MED1: variants seen among roughly 807,000 people sequenced by gnomAD.
MED1 encodes mediator complex subunit 1.
MED1 carries 17 observed loss-of-function variants against 121.3 expected under a neutral mutation model. The observed-to-expected ratio is 0.14, with a 90% confidence interval of 0.10 to 0.21. MED1 has a LOEUF of 0.21. Ranked by LOEUF, MED1 falls within the 10% of genes least tolerant of loss-of-function variation. The pLI, the probability that MED1 is intolerant of heterozygous loss-of-function variation, is 1.00. For synonymous variants in MED1, 661 were observed against 694.4 expected (o/e 0.95, Z 0.76); for missense variants, 1,558 against 1,919.4 (o/e 0.81, Z 3.52).
rs369685597 is a variant in MED1, at chr17:39,451,221, G to A, written c.-159C>T. On this transcript the variant is annotated 5_prime_UTR_variant, in exon 1 of 17. Coordinates refer to ENST00000300651, the MANE Select transcript of MED1 (RefSeq NM_004774.4). ...TCTGAAGTCCCCGGCGGCAAGAAGA[G>A]AAGGGTGCTCGAGGCCGCCGCCATC... 5.0e-6 allele frequency: 4 copies of A among 796,052 alleles called. No individual in the cohort carries two copies. The highest frequency in any genetic ancestry group is 2.9e-5 in the East Asian group (1 of 34,866). 49.3% of individuals were successfully genotyped at this position (796,052 alleles called of 1,614,324 possible). A position where few individuals can be genotyped will look rare whatever the true frequency, so the allele number is the denominator to read the frequency against.
intron 14 of MED1, among the ~76,000 whole-genome samples, chr17:39,418,085 CAAAAAAAA>C (rs760116991): frequency 5.4e-5 from 3 of 55,638 alleles, no homozygotes; most frequent in South Asian, 1.0e-3. Flanking sequence ...GACTCCGTCT[CAAAAAAAA>C]AAAAAAAAAA....
At position 39,410,172 on chromosome 17, in the gene MED1, C is replaced by A; in HGVS notation, c.2049G>T (p.Gly683=). The A allele has an allele frequency of 6.2e-7, 1 of 1,614,074 alleles. No homozygotes were observed. The highest frequency in any genetic ancestry group is 8.5e-7 in the Non-Finnish European group (1 of 1,180,024). The change falls in exon 17 of 17, where the codon GGG becomes GGT. Residue 683 remains glycine, a synonymous_variant. Coordinates refer to ENST00000300651, the MANE Select transcript of MED1 (RefSeq NM_004774.4). ...ACTTCTTTTTCTTGGTCTTGTTGCT[C>A]CCCGAGCATATTTCCATGCGGGGTG... ...SGSPRMEICS[G]SNKTKKKKSS...
At chr17:39,413,850 T>C (rs1380940439) in intron 16 of MED1, among the ~76,000 whole-genome samples, 1 of 144,854 alleles carries the variant, frequency 6.9e-6, no homozygotes, top group Non-Finnish European at 1.5e-5. Flanking sequence ...TGCCTTAAAG[T>C]ACCATAATTC....
At chr17:39,414,898 G>T in intron 16 of MED1, 128 bp downstream of exon 16, 2 of 755,526 alleles carry the variant, frequency 2.6e-6, no homozygotes, top group Non-Finnish European at 4.6e-6. Context: ...TCAATCTTCT[G>T]ACCTCGTGAT....
chr17:39,419,633 T>G, intron 14 of MED1, 84 bp downstream of exon 14: 1 of 1,375,916 alleles, frequency 7.3e-7, no homozygotes, highest in Non-Finnish European at 1.0e-6. Flanking sequence ...GTTCTACAGG[T>G]GATTCTGATG....
At chr17:39,448,596 T>TA (rs1028372860) in intron 1 of MED1, among the ~76,000 whole-genome samples, 58 of 149,174 alleles carry the variant, frequency 3.9e-4, no homozygotes, top group Admixed American at 4.7e-4. Context: ...GAGGAAAATT[T>TA]AAAAAAAAGA....
At chr17:39,428,416 G>A (rs1225618652) in intron 9 of MED1, among the ~76,000 whole-genome samples, 1 of 152,040 alleles carries the variant, frequency 6.6e-6, no homozygotes, top group African/African-American at 2.4e-5. Flanking sequence ...CCCAGGAAGC[G>A]GAGGTTACAG....
intron 1 of MED1, among the ~76,000 whole-genome samples, chr17:39,450,358 C>T (rs2048770693): frequency 6.6e-6 from 1 of 152,128 alleles, no homozygotes; most frequent in Admixed American, 6.6e-5. Flanking sequence ...CTATTACGTG[C>T]CAGAAACTAT....
intron 16 of MED1, among the ~76,000 whole-genome samples, chr17:39,412,694 C>T (rs1203122388): frequency 3.3e-5 from 5 of 151,826 alleles, no homozygotes; most frequent in Admixed American, 1.3e-4. Flanking sequence ...CCCGCCACCA[C>T]GCCCAGCTAA....
Position 39,409,659 on chromosome 17 carries a change from A to C in MED1, c.2562T>G (p.Pro854=). The part of the protein sequence containing the change: ...DAAGSPSSDS[P]TNHFFHDGVD... ...CTCCATCATGAAAAAAATGATTGGT[A>C]GGAGAGTCACTACTGGGGCTTCCAG... Residue 854 remains proline, a synonymous_variant, in exon 17 of 17, where the codon CCT becomes CCG. Coordinates refer to ENST00000300651, the MANE Select transcript of MED1 (RefSeq NM_004774.4). The C allele has an allele frequency of 6.2e-7, 1 of 1,614,196 alleles. No individual in the cohort carries two copies.
chr17:39,430,825 C>G (rs760601116), intron 9 of MED1, among the ~76,000 whole-genome samples: 20 of 152,264 alleles, frequency 1.3e-4, no homozygotes, highest in Non-Finnish European at 2.6e-4. Flanking sequence ...CAGGACCAGC[C>G]TGGCCAAAAC....
chr17:39,410,224 A>G lies in MED1; in HGVS notation c.1997T>C (p.Leu666Ser). ...GCCGGAAGAGGAGTTCTGCCTTTCT[A>G]AAGGGCTGCTTCCATAAAGGGTTGA... ...DFSTLYGSSP[L>S]ERQNSSSGSP... The change falls in exon 17 of 17, where the codon TTA becomes TCA. Residue 666 changes from leucine to serine, a missense_variant. Coordinates refer to ENST00000300651, the MANE Select transcript of MED1 (RefSeq NM_004774.4). 1 of 1,613,880 alleles carries G rather than the reference A, an allele frequency of 6.2e-7. No homozygotes were observed. The highest frequency in any genetic ancestry group is 8.5e-7 in the Non-Finnish European group (1 of 1,179,954).
At chr17:39,436,002 G>C (rs1258022431) in intron 6 of MED1, among the ~76,000 whole-genome samples, 3 of 152,038 alleles carry the variant, frequency 2.0e-5, no homozygotes, top group Admixed American at 6.6e-5. Context: ...AACCCGGGAG[G>C]GGGAGGTTGC....
Position 39,440,013 on chromosome 17 carries a change from GGAAGGAAA to G in MED1, c.399+365_399+372del, listed in dbSNP as rs776070052. Among the ~76,000 whole-genome samples, 2,970 of 126,288 alleles carry G rather than the reference GGAAGGAAA, an allele frequency of 0.024. 43 individuals are homozygous for G. Among genetic ancestry groups the G allele is most frequent in the Middle Eastern group, 0.096 (23 of 240 alleles). 82.8% of individuals were successfully genotyped at this position (126,288 alleles called of 152,430 possible). A position where few individuals can be genotyped will look rare whatever the true frequency, so the allele number is the denominator to read the frequency against. ...AGGAAGGAAGGAAGGAAGGAAGGAAGGAAGGAAAGAAAGAAAGAAAGAGAGAAAGAGAA... is the reference window on the plus strand; with the variant it reads ...AGGAAGGAAGGAAGGAAGGAAGGAAGGAAAGAAAGAAAGAGAGAAAGAGAA... On this transcript the variant is annotated intron_variant, in intron 5 of 16. Coordinates refer to ENST00000300651, the MANE Select transcript of MED1 (RefSeq NM_004774.4). This position sits in a 1 kb window ranked among gnomAD's most constrained non-coding sequence, Gnocchi z 4.1.
intron 6 of MED1, among the ~76,000 whole-genome samples, chr17:39,436,302 A>C (rs2048617938): frequency 6.7e-6 from 1 of 149,184 alleles, no homozygotes; most frequent in Non-Finnish European, 1.5e-5. Flanking sequence ...CGGAGCTTGC[A>C]GTGAGCAGAG....
chr17:39,417,272 G>A (rs2048418766), intron 14 of MED1, among the ~76,000 whole-genome samples: 1 of 151,768 alleles, frequency 6.6e-6, no homozygotes, highest in Admixed American at 6.6e-5. Context: ...AAAGGTTGCA[G>A]TGAGTGAAGA....
intron 10 of MED1, 23 bp from the exon 11 acceptor site, chr17:39,424,761 G>C: frequency 7.3e-7 from 1 of 1,378,804 alleles, no homozygotes; most frequent in Non-Finnish European, 1.0e-6. Context: ...AAGAAAAAGG[G>C]TATTCCTCAA....
At chr17:39,422,469 GTTTTTTTTT>G (rs750032186) in intron 13 of MED1, among the ~76,000 whole-genome samples, 18 of 74,360 alleles carry the variant, frequency 2.4e-4, no homozygotes, top group African/African-American at 1.1e-3. Flanking sequence ...GCCCAGCCTC[GTTTTTTTTT>G]TTTTTTTTTT....
chr17:39,409,350 T>A lies in MED1; in HGVS notation c.2871A>T (p.Leu957Phe). ...CTTTCCCTAAGTCCCCAGTGGTCAGTAAAGGACCCTGACTACCACTGTGAT... is the reference window on the plus strand; with the variant it reads ...CTTTCCCTAAGTCCCCAGTGGTCAGAAAAGGACCCTGACTACCACTGTGAT... Reference protein sequence around the residue: ...MEHHSGSQGPLLTTGDLGKEK... With the variant: ...MEHHSGSQGPFLTTGDLGKEK... The change falls in exon 17 of 17, where the codon TTA (leucine) becomes TTT (phenylalanine). Residue 957 changes from leucine to phenylalanine, a missense_variant. Transcript: ENST00000300651. The A allele has an allele frequency of 6.2e-7, 1 of 1,614,076 alleles. No homozygotes were observed. The highest frequency in any genetic ancestry group is 2.2e-5 in the East Asian group (1 of 44,890).
Sources: gnomAD v4.1 joint callset for allele counts (sites outside exome capture counted in the v4.1 genomes callset) on GRCh38, gnomAD v4.1.1 for gene constraint, Gnocchi (gnomAD v3.1) non-coding constraint, MANE v1.5 for transcripts, NCBI Gene and HGNC (gene_info 2026-07-23, HGNC 2026-07-21) for gene names.